The following SUSD6 variants were observed in gnomAD, a reference collection of about 807,000 sequenced individuals.
The protein encoded by SUSD6 is sushi domain containing 6.
In SUSD6, 16 loss-of-function variants were observed where a neutral mutation model predicts 28.4. The observed-to-expected ratio is 0.56, with a 90% CI of 0.38 to 0.86. The LOEUF is 0.86. Among genes scored for constraint, SUSD6 ranks in the 40% least tolerant of loss-of-function variants. SUSD6 has a pLI of 0.00. For missense variants in SUSD6, 341 were observed against 384.2 expected, an observed-to-expected ratio of 0.89 and a Z score of 0.94; for synonymous variants, 147 against 159.6, an observed-to-expected ratio of 0.92 and a Z score of 0.59.
chr14:69,679,600 A>C (rs1885968270), intron 2 of SUSD6, among the ~76,000 whole-genome samples: 1 of 150,542 alleles, frequency 6.6e-6, no homozygotes, highest in Non-Finnish European at 1.5e-5. Flanking sequence ...TTTAAAGCTC[A>C]TCAGCTATTG....
chr14:69,700,896 T>G (rs1413233626), intron 2 of SUSD6, among the ~76,000 whole-genome samples: 4 of 152,252 alleles, frequency 2.6e-5, no homozygotes, highest in African/African-American at 9.6e-5. Flanking sequence ...TTTTTTTGTT[T>G]TGTTTTGTTT....
chr14:69,675,663 A>C (rs1367953473), intron 2 of SUSD6, among the ~76,000 whole-genome samples: 1 of 152,236 alleles, frequency 6.6e-6, no homozygotes, highest in Non-Finnish European at 1.5e-5. Flanking sequence ...CAAGATGTAC[A>C]AACACTTGCT....
chr14:69,645,663 A>G (rs921745786), intron 1 of SUSD6, among the ~76,000 whole-genome samples: 2 of 150,688 alleles, frequency 1.3e-5, no homozygotes, highest in African/African-American at 2.5e-5. Flanking sequence ...TAAGACACAA[A>G]CCCCCTCTAG....
intron 1 of SUSD6, among the ~76,000 whole-genome samples, chr14:69,646,878 T>C (rs1008872794): frequency 1.3e-5 from 2 of 152,180 alleles, no homozygotes; most frequent in Middle Eastern, 3.4e-3. Flanking sequence ...ATTTTTTGTA[T>C]TTTTAGTAGA....
intron 2 of SUSD6, among the ~76,000 whole-genome samples, chr14:69,676,100 G>A (rs997954828): frequency 1.3e-5 from 2 of 152,184 alleles, no homozygotes; most frequent in Non-Finnish European, 2.9e-5. Flanking sequence ...ATTCATCTTA[G>A]TTGCCCTTGA....
chr14:69,665,866 ACTGT>A (rs778736325), intron 2 of SUSD6, among the ~76,000 whole-genome samples: 2 of 152,284 alleles, frequency 1.3e-5, no homozygotes, highest in East Asian at 3.9e-4. Context: ...TTGTGACTTC[ACTGT>A]CTGTATTTCA....
intron 1 of SUSD6, among the ~76,000 whole-genome samples, chr14:69,645,990 TC>T (rs773834801): frequency 5.3e-5 from 8 of 152,182 alleles, no homozygotes; most frequent in Non-Finnish European, 1.0e-4. Flanking sequence ...CCTCAGGTGA[TC>T]CGCCCGCCTT....
intron 3 of SUSD6, 116 bp from the exon 4 acceptor site, chr14:69,704,488 G>A (rs1368167821): frequency 1.7e-5 from 17 of 995,106 alleles, no homozygotes; most frequent in African/African-American, 9.8e-5. Flanking sequence ...GACCCTGACC[G>A]TAGGATGTCT....
chr14:69,676,349 G>C (rs1443819234), intron 2 of SUSD6, among the ~76,000 whole-genome samples: 1 of 151,848 alleles, frequency 6.6e-6, no homozygotes, highest in Admixed American at 6.6e-5. Context: ...CCTCTGGGGT[G>C]ATGCTCCTCC....
chr14:69,671,422 AC>A (rs1349016416), intron 2 of SUSD6, among the ~76,000 whole-genome samples: 1 of 152,198 alleles, frequency 6.6e-6, no homozygotes, highest in African/African-American at 2.4e-5. Flanking sequence ...AGGACAGGCC[AC>A]AGGAGTGCAT....
intron 1 of SUSD6, among the ~76,000 whole-genome samples, chr14:69,616,966 A>G (rs1595028044): frequency 6.6e-6 from 1 of 152,164 alleles, no homozygotes; most frequent in African/African-American, 2.4e-5. Flanking sequence ...ACCTAGCCCT[A>G]GGCAACCACT....
At chr14:69,623,665 T>C (rs1460505774) in intron 1 of SUSD6, among the ~76,000 whole-genome samples, 1 of 152,248 alleles carries the variant, frequency 6.6e-6, no homozygotes, top group African/African-American at 2.4e-5. Flanking sequence ...GTTCTGTTCC[T>C]GCCTTTGAAG....
rs540940100 is a variant in SUSD6, at chr14:69,712,842, G to T, written c.*1863G>T. ...CCTCCCCCAGGAGCCCTCATCTGCTGTGCTGAGTCCAGGAAAGCATAGTTA... is the reference window on the plus strand; with the variant it reads ...CCTCCCCCAGGAGCCCTCATCTGCTTTGCTGAGTCCAGGAAAGCATAGTTA... On this transcript the variant is annotated 3_prime_UTR_variant, in exon 6 of 6. Coordinates refer to ENST00000342745, the MANE Select transcript of SUSD6 (RefSeq NM_014734.4). 1.3e-5 allele frequency: 2 copies of T among 152,708 alleles called. No individual in the cohort carries two copies. The highest frequency in any genetic ancestry group is 2.9e-5 in the Non-Finnish European group (2 of 68,488). The allele number at this position is 152,708 out of a possible 1,614,324, so 9.5% of individuals were successfully genotyped here.
intron 1 of SUSD6, among the ~76,000 whole-genome samples, chr14:69,643,726 A>G (rs1885386019): frequency 6.6e-6 from 1 of 152,186 alleles, no homozygotes; most frequent in South Asian, 2.1e-4. Flanking sequence ...ACCTGGCCTT[A>G]TTCTGTGCCA....
At chr14:69,618,439 A>G (rs1045409823) in intron 1 of SUSD6, among the ~76,000 whole-genome samples, 1 of 152,228 alleles carries the variant, frequency 6.6e-6, no homozygotes, top group Non-Finnish European at 1.5e-5. Flanking sequence ...TCTTGCTTTC[A>G]ACAGCTAGTC....
chr14:69,621,354 T>C (rs1458949092), intron 1 of SUSD6, among the ~76,000 whole-genome samples: 2 of 152,158 alleles, frequency 1.3e-5, no homozygotes, highest in African/African-American at 4.8e-5. Context: ...AAAACAAATA[T>C]AAACAGGGTG....
chr14:69,671,724 G>C (rs868048961), intron 2 of SUSD6, among the ~76,000 whole-genome samples: 4 of 152,190 alleles, frequency 2.6e-5, no homozygotes, highest in South Asian at 2.1e-4. Flanking sequence ...GACTGTCTGT[G>C]ATTTGATGTG....
intron 1 of SUSD6, among the ~76,000 whole-genome samples, chr14:69,646,080 T>A (rs907747501): frequency 6.6e-6 from 1 of 152,160 alleles, no homozygotes. Flanking sequence ...AAATTTGATA[T>A]AATCTGCCTT....
rs79387388 is a variant in SUSD6, at chr14:69,625,631, G to A, written c.-81+13803G>A. ...CAAGGGTCAATGTGGGGCTGAGTGA[G>A]TGAGAGAAGCCAGCTTAGAACCACA... is the stretch of plus-strand genomic sequence containing the variant. On this transcript the variant is annotated intron_variant, in intron 1 of 5. Coordinates refer to ENST00000342745, the MANE Select transcript of SUSD6 (RefSeq NM_014734.4). Among the ~76,000 whole-genome samples the A allele has an allele frequency of 5.9e-4, 90 of 152,350 alleles. 1 individual carries two copies. In the East Asian group the frequency reaches 0.012, roughly 20 times the overall value.
Sources: allele counts gnomAD v4.1 joint callset (sites outside exome capture counted in the v4.1 genomes callset), GRCh38; gene constraint gnomAD v4.1.1; transcripts MANE v1.5; gene names NCBI Gene and HGNC (gene_info 2026-07-23, HGNC 2026-07-21).